CD200R1: variants seen among roughly 807,000 people sequenced by gnomAD.
CD200R1 encodes CD200 receptor 1.
Under a neutral mutation model 38.1 loss-of-function variants are expected in CD200R1, and 30 were observed. The ratio of observed to expected loss-of-function variants is 0.79; its 90% CI spans 0.59 to 1.07. The LOEUF (loss-of-function observed/expected upper bound fraction) is 1.07, where lower values mean the gene tolerates loss of function less well. Ranked by LOEUF, CD200R1 falls within the 50% of genes least tolerant of loss-of-function variation. The pLI, the probability that CD200R1 is intolerant of heterozygous loss-of-function variation, is 0.00. For missense variants in CD200R1, 372 were observed against 415.4 expected, an observed-to-expected ratio of 0.90 and a Z score of 0.91; for synonymous variants, 128 against 152.1, an observed-to-expected ratio of 0.84 and a Z score of 1.16.
chr3:112,949,409 T>C (rs1379234121), intron 1 of CD200R1, among the ~76,000 whole-genome samples: 2 of 152,260 alleles, frequency 1.3e-5, no homozygotes, highest in Non-Finnish European at 2.9e-5. Context: ...AGCAAACTGT[T>C]CTTTTAAGAT....
chr3:112,940,047 T>C (rs1940689804), intron 2 of CD200R1, among the ~76,000 whole-genome samples: 1 of 151,866 alleles, frequency 6.6e-6, no homozygotes, highest in African/African-American at 2.4e-5. Flanking sequence ...TTGACAAAGA[T>C]GTCAAGAACA....
intron 1 of CD200R1, among the ~76,000 whole-genome samples, chr3:112,964,645 G>T (rs1002484500): frequency 6.6e-6 from 1 of 152,182 alleles, no homozygotes; most frequent in South Asian, 2.1e-4. Flanking sequence ...GATTTTACAG[G>T]CTCATAGGCA....
At chr3:112,964,997 G>A (rs1405940675) in intron 1 of CD200R1, among the ~76,000 whole-genome samples, 1 of 152,190 alleles carries the variant, frequency 6.6e-6, no homozygotes. Flanking sequence ...AGCCATGTGA[G>A]ATGTGCCTTT....
At chr3:112,948,650 C>T (rs1448214057) in intron 1 of CD200R1, among the ~76,000 whole-genome samples, 1 of 152,158 alleles carries the variant, frequency 6.6e-6, no homozygotes, top group Non-Finnish European at 1.5e-5. Context: ...CCCTGCTGTG[C>T]GGCCCAATCC....
chr3:112,974,238 C>A (rs958160980), intron 1 of CD200R1, among the ~76,000 whole-genome samples: 1 of 152,058 alleles, frequency 6.6e-6, no homozygotes, highest in African/African-American at 2.4e-5. Context: ...GAGCTCAAGA[C>A]CAGCATGGAC....
intron 1 of CD200R1, among the ~76,000 whole-genome samples, chr3:112,966,584 GA>G: frequency 6.6e-6 from 1 of 152,012 alleles, no homozygotes; most frequent in African/African-American, 2.4e-5. Context: ...AAACCTTTAG[GA>G]AAAGGTAGCA....
At position 112,922,378 on chromosome 3, in the gene CD200R1, G is replaced by A. The variant is rs1940187023; in HGVS notation, c.*1299C>T. The A allele has an allele frequency of 6.6e-6, 1 of 151,776 alleles. No individual in the cohort carries two copies. Among genetic ancestry groups the A allele is most frequent in the South Asian group, 2.1e-4 (1 of 4,812 alleles). The allele number at this position is 151,776 out of a possible 1,614,324, so 9.4% of individuals were successfully genotyped here. On this transcript the variant is annotated 3_prime_UTR_variant, in exon 8 of 8. Coordinates refer to ENST00000308611, the MANE Select transcript of CD200R1 (RefSeq NM_138806.4). ...TTTACATAAACATTGCCAATATTTTGCTCCACAAAAATATGGAGGGGAGGG... is the reference window on the plus strand; with the variant it reads ...TTTACATAAACATTGCCAATATTTTACTCCACAAAAATATGGAGGGGAGGG...
At chr3:112,924,583 T>C in intron 6 of CD200R1, 48 bp from the exon 7 acceptor site, 1 of 1,061,986 alleles carries the variant, frequency 9.4e-7, no homozygotes, top group South Asian at 3.2e-5. Flanking sequence ...CATCATTGTT[T>C]AGATCGAAAA....
intron 4 of CD200R1, 32 bp from the exon 5 acceptor site, chr3:112,929,096 C>T (rs200155243): frequency 5.6e-5 from 90 of 1,612,416 alleles, no homozygotes; most frequent in Non-Finnish European, 7.0e-5. Flanking sequence ...AAAAATGCTT[C>T]GGTTTTCACA....
chr3:112,971,354 T>C (rs560234171), intron 1 of CD200R1, among the ~76,000 whole-genome samples: 1 of 152,322 alleles, frequency 6.6e-6, no homozygotes, highest in African/African-American at 2.4e-5. Flanking sequence ...TATTTTCAAC[T>C]GAAGTTGGTT....
chr3:112,924,692 G>T (rs1217461695), intron 6 of CD200R1, among the ~76,000 whole-genome samples, 157 bp from the exon 7 acceptor site: 1 of 151,998 alleles, frequency 6.6e-6, no homozygotes, highest in African/African-American at 2.4e-5. Context: ...GAAGAATACT[G>T]CTCGTGGTTA....
chr3:112,925,289 TA>T lies in CD200R1; in HGVS notation c.770-97del, dbSNP rs1327626161. On this transcript the variant is annotated intron_variant, in intron 5 of 7. Coordinates refer to ENST00000308611, the MANE Select transcript of CD200R1 (RefSeq NM_138806.4). ...TAAAAAGAAATGAGCTATCAAACCA[TA>T]AAAAGACATAGAGGAATTTCAAATG... is the stretch of plus-strand genomic sequence containing the variant. 2.9e-5 allele frequency: 18 copies of T among 630,836 alleles called. No homozygotes were observed. In the East Asian group the frequency reaches 5.2e-4, roughly 18 times the overall value. The allele number at this position is 630,836 out of a possible 1,614,324, so 39.1% of individuals were successfully genotyped here.
intron 1 of CD200R1, among the ~76,000 whole-genome samples, chr3:112,960,045 T>C (rs1055060759): frequency 6.6e-6 from 1 of 152,000 alleles, no homozygotes; most frequent in African/African-American, 2.4e-5. Context: ...AATTACACAG[T>C]ATATATTTCT....
intron 1 of CD200R1, among the ~76,000 whole-genome samples, chr3:112,954,832 T>G (rs546422198): frequency 4.6e-5 from 7 of 152,326 alleles, no homozygotes; most frequent in Non-Finnish European, 2.9e-5. Context: ...AGTATTTCGC[T>G]GAGTTCTGTG....
chr3:112,929,599 T>C (rs1373370289), intron 3 of CD200R1, 92 bp from the exon 4 acceptor site: 2 of 1,180,532 alleles, frequency 1.7e-6, no homozygotes, highest in South Asian at 1.6e-5. Flanking sequence ...CACTAGAACA[T>C]AACTTTGTTG....
chr3:112,927,063 A>G (rs957005431), intron 5 of CD200R1, among the ~76,000 whole-genome samples: 1 of 152,128 alleles, frequency 6.6e-6, no homozygotes, highest in African/African-American at 2.4e-5. Flanking sequence ...CTCCTGCTCC[A>G]TTTTATGTAG....
At chr3:112,925,616 A>G (rs1227184535) in intron 5 of CD200R1, among the ~76,000 whole-genome samples, 2 of 152,104 alleles carry the variant, frequency 1.3e-5, no homozygotes, top group Non-Finnish European at 2.9e-5. Flanking sequence ...TGTTGTATCA[A>G]TGGAGGTTCA....
At chr3:112,928,703 A>G (rs145864066) in intron 5 of CD200R1, 113 bp downstream of exon 5, 8,415 of 777,288 alleles carry the variant, frequency 0.011, 103 homozygotes, top group South Asian at 0.034. Context: ...AGAGATAAAA[A>G]TGAAGAGTGG....
At chr3:112,974,104 C>T (rs1933375081) in intron 1 of CD200R1, among the ~76,000 whole-genome samples, 1 of 151,814 alleles carries the variant, frequency 6.6e-6, no homozygotes, top group South Asian at 2.1e-4. Flanking sequence ...GCAATGTGGA[C>T]CTAAATGAGT....
Sources: allele counts gnomAD v4.1 joint callset (sites outside exome capture counted in the v4.1 genomes callset), GRCh38; gene constraint gnomAD v4.1.1; transcripts MANE v1.5; gene names NCBI Gene and HGNC (gene_info 2026-07-23, HGNC 2026-07-21).